The following SLC35F4 variants were observed in gnomAD, a reference collection of about 807,000 sequenced individuals.
The protein encoded by SLC35F4 is solute carrier family 35 member F4.
In SLC35F4, 24 loss-of-function variants were observed where a neutral mutation model predicts 44.2. The observed-to-expected ratio is 0.54, with a 90% CI of 0.39 to 0.76. The LOEUF (loss-of-function observed/expected upper bound fraction) is 0.76, where lower values mean the gene tolerates loss of function less well. SLC35F4 is among the 30% of genes least tolerant of loss of function. The pLI, the probability that SLC35F4 is intolerant of heterozygous loss-of-function variation, is 0.00. For synonymous variants in SLC35F4, 238 were observed against 223.6 expected (o/e 1.06, Z -0.57); for missense variants, 562 against 586.1 (o/e 0.96, Z 0.42).
intron 1 of SLC35F4, among the ~76,000 whole-genome samples, chr14:57,833,105 C>T (rs1228576063): frequency 6.6e-6 from 1 of 152,142 alleles, no homozygotes; most frequent in Non-Finnish European, 1.5e-5. Flanking sequence ...CTATTTAGAG[C>T]TAGTAAAAGC....
intron 1 of SLC35F4, among the ~76,000 whole-genome samples, chr14:57,633,814 C>A (rs2072899327): frequency 6.6e-6 from 1 of 152,124 alleles, no homozygotes. Context: ...CTTCACTCAG[C>A]ATAATGCCCT....
chr14:57,702,875 G>C (rs1283135118), intron 1 of SLC35F4, among the ~76,000 whole-genome samples: 1 of 152,152 alleles, frequency 6.6e-6, no homozygotes, highest in Non-Finnish European at 1.5e-5. Context: ...AAAGGCAGTG[G>C]ACAGTGGCCA....
At chr14:57,698,256 T>C (rs768897845) in intron 1 of SLC35F4, among the ~76,000 whole-genome samples, 4 of 152,190 alleles carry the variant, frequency 2.6e-5, no homozygotes, top group Non-Finnish European at 5.9e-5. Flanking sequence ...GCATTTAGAT[T>C]ACTTTCAGTA....
intron 1 of SLC35F4, among the ~76,000 whole-genome samples, chr14:57,741,894 C>A (rs1338633524): frequency 6.6e-6 from 1 of 152,184 alleles, no homozygotes; most frequent in African/African-American, 2.4e-5. Flanking sequence ...ACTCTACAAG[C>A]CAGAAGAGAG....
Position 57,929,422 on chromosome 14 carries a change from C to T in SLC35F4, n.282+52491G>A, listed in dbSNP as rs75905302. On this transcript the variant is annotated intron_variant and non_coding_transcript_variant, in intron 1 of 1. Transcript: ENST00000556568. Reference sequence around the variant, plus strand: ...GGGTTTTCCCAATAAGCTGGCTACCCTCTTACAGCACCTTAGAGCGGGAGA... The same window carrying T: ...GGGTTTTCCCAATAAGCTGGCTACCTTCTTACAGCACCTTAGAGCGGGAGA... 2.8e-3 allele frequency among the ~76,000 whole-genome samples: 433 copies of T among 152,168 alleles called. 3 individuals carry two copies. Among genetic ancestry groups the T allele is most frequent in the African/African-American group, 8.5e-3 (351 of 41,516 alleles).
At chr14:57,786,527 T>C (rs774747658) in intron 1 of SLC35F4, among the ~76,000 whole-genome samples, 2 of 152,160 alleles carry the variant, frequency 1.3e-5, no homozygotes, top group Non-Finnish European at 2.9e-5. Context: ...CACTCCCTTG[T>C]CATGTCCACA....
At chr14:57,769,157 C>T (rs2140669080) in intron 1 of SLC35F4, among the ~76,000 whole-genome samples, 1 of 152,228 alleles carries the variant, frequency 6.6e-6, no homozygotes, top group East Asian at 1.9e-4. Flanking sequence ...CTACTAAGAA[C>T]AATGCACAGC....
intron 1 of SLC35F4, among the ~76,000 whole-genome samples, chr14:57,741,255 G>A (rs1296613584): frequency 3.3e-5 from 5 of 152,230 alleles, no homozygotes; most frequent in Non-Finnish European, 5.9e-5. Flanking sequence ...GTTGAGAGAA[G>A]AAGGCTTCAG....
Position 57,733,360 on chromosome 14 carries a change from T to TAA in SLC35F4, c.103+132361_103+132362dup, listed in dbSNP as rs71104585. Among the ~76,000 whole-genome samples, 888 of 138,444 alleles carry TAA rather than the reference T, an allele frequency of 6.4e-3. 5 individuals carry two copies. Among genetic ancestry groups the TAA allele is most frequent in the African/African-American group, 0.018 (640 of 36,528 alleles). 90.8% of individuals were successfully genotyped at this position (138,444 alleles called of 152,430 possible). A position where few individuals can be genotyped will look rare whatever the true frequency, so the allele number is the denominator to read the frequency against. ...TGCTACAAGGAGAGTCAATTTTCTT[T>TAA]AAAAAAAAAAAAAAAAAAAAATCCC... On this transcript the variant is annotated intron_variant, in intron 1 of 7. Coordinates refer to ENST00000556826, the MANE Select transcript of SLC35F4 (RefSeq NM_001306087.2).
rs546536289 is a variant in SLC35F4, at chr14:57,640,746, AGATT to A, written c.104-46626_104-46623del. On this transcript the variant is annotated intron_variant, in intron 1 of 7. Coordinates refer to ENST00000556826, the MANE Select transcript of SLC35F4 (RefSeq NM_001306087.2). ...ATATTTCCATAAGTTTGGTTTATAT[AGATT>A]ATCTCTGTCAAAATAACACTTAGAA... 2.2e-4 allele frequency among the ~76,000 whole-genome samples: 33 copies of A among 152,154 alleles called. No individual in the cohort carries two copies. In the East Asian group the frequency reaches 6.2e-3, roughly 29 times the overall value.
At chr14:57,601,761 C>T (rs2070839530) in intron 1 of SLC35F4, among the ~76,000 whole-genome samples, 1 of 152,074 alleles carries the variant, frequency 6.6e-6, no homozygotes, top group East Asian at 1.9e-4. Context: ...CCTATTTTTA[C>T]AATGTAAAAA....
At chr14:57,623,181 A>G (rs1337706397) in intron 1 of SLC35F4, among the ~76,000 whole-genome samples, 5 of 152,224 alleles carry the variant, frequency 3.3e-5, no homozygotes, top group Non-Finnish European at 7.3e-5. Context: ...AAAAACCCAG[A>G]TATTAAACCA....
intron 1 of SLC35F4, among the ~76,000 whole-genome samples, chr14:57,616,103 G>A (rs923966544): frequency 6.6e-6 from 1 of 152,178 alleles, no homozygotes; most frequent in Non-Finnish European, 1.5e-5. Flanking sequence ...TCTTTTAAGT[G>A]TAAAGTCCAG....
chr14:57,968,509 C>T (rs1043053379), intron 1 of SLC35F4, among the ~76,000 whole-genome samples: 1 of 152,238 alleles, frequency 6.6e-6, no homozygotes, highest in Non-Finnish European at 1.5e-5. Flanking sequence ...AATAGTGCTG[C>T]AAGTGCAATA....
At chr14:57,571,758 AG>A (rs1566627204) in intron 5 of SLC35F4, 135 bp downstream of exon 5, 1 of 1,260,526 alleles carries the variant, frequency 7.9e-7, no homozygotes, top group African/African-American at 1.5e-5. Context: ...TCACATAACA[AG>A]TAGTTAATTT....
intron 1 of SLC35F4, among the ~76,000 whole-genome samples, chr14:57,847,045 T>C (rs1886092077): frequency 6.6e-6 from 1 of 152,268 alleles, no homozygotes; most frequent in South Asian, 2.1e-4. Context: ...GAAATATTTA[T>C]AGCAAGTTGA....
intron 7 of SLC35F4, 122 bp from the exon 8 acceptor site, chr14:57,564,498 T>A: frequency 7.3e-7 from 1 of 1,371,702 alleles, no homozygotes; most frequent in Non-Finnish European, 9.7e-7. Flanking sequence ...TCCAAGTTAG[T>A]GTTTCCTTTT....
chr14:57,608,046 G>A (rs1166798761), intron 1 of SLC35F4, among the ~76,000 whole-genome samples: 1 of 152,144 alleles, frequency 6.6e-6, no homozygotes, highest in Non-Finnish European at 1.5e-5. Flanking sequence ...GTGAGTTTAA[G>A]TGCATGAAAC....
At chr14:57,750,363 G>A (rs2076855282) in intron 1 of SLC35F4, among the ~76,000 whole-genome samples, 1 of 152,080 alleles carries the variant, frequency 6.6e-6, no homozygotes, top group Admixed American at 6.6e-5. Context: ...AGGAGTGCAG[G>A]TATCTTTGAT....
Sources: gnomAD v4.1 joint callset for allele counts (sites outside exome capture counted in the v4.1 genomes callset) on GRCh38, gnomAD v4.1.1 for gene constraint, MANE v1.5 for transcripts, NCBI Gene and HGNC (gene_info 2026-07-23, HGNC 2026-07-21) for gene names.